Variants in SERINC5 observed in about 807,000 individuals in gnomAD.
SERINC5 encodes the protein chromosome 5 open reading frame 12.
In SERINC5, 41 loss-of-function variants were observed where a neutral mutation model predicts 63.1. The observed-to-expected ratio is 0.65, with a 90% CI of 0.51 to 0.84. The LOEUF (loss-of-function observed/expected upper bound fraction) is 0.84. SERINC5 is among the 40% of genes least tolerant of loss of function. The probability of loss-of-function intolerance (pLI) is 0.00; values close to 1 mark genes in which losing one functional copy is unlikely to be tolerated. For missense variants in SERINC5, 523 were observed against 573.0 expected (o/e 0.91, Z 0.89); for synonymous variants, 222 against 215.2 (o/e 1.03, Z -0.28).
intron 1 of SERINC5, among the ~76,000 whole-genome samples, chr5:80,204,108 G>A (rs1453347384): frequency 1.3e-5 from 2 of 152,170 alleles, no homozygotes; most frequent in Non-Finnish European, 2.9e-5. Context: ...AGTGCCCTGT[G>A]TACCTCTTCA....
chr5:80,212,446 C>T (rs1301371571), intron 1 of SERINC5, among the ~76,000 whole-genome samples: 3 of 152,090 alleles, frequency 2.0e-5, no homozygotes, highest in Admixed American at 6.5e-5. Flanking sequence ...TGAGGGCCTC[C>T]TTCCCTTCCT....
chr5:80,183,149 A>C (rs934218151), intron 2 of SERINC5, among the ~76,000 whole-genome samples: 13 of 146,024 alleles, frequency 8.9e-5, no homozygotes, highest in African/African-American at 3.7e-4. Context: ...CAGGTGAAGA[A>C]GGTAACCCCA....
At chr5:80,149,834 T>C (rs1746055442) in intron 9 of SERINC5, among the ~76,000 whole-genome samples, 1 of 152,192 alleles carries the variant, frequency 6.6e-6, no homozygotes, top group African/African-American at 2.4e-5. Flanking sequence ...GAACCCCTGG[T>C]TCTTTTCGTT....
intron 2 of SERINC5, among the ~76,000 whole-genome samples, chr5:80,187,364 C>T (rs1057493811): frequency 6.6e-6 from 1 of 152,182 alleles, no homozygotes. Context: ...CCTAGAATGT[C>T]TCCCAGTCTG....
intron 2 of SERINC5, chr5:80,198,784 G>A: frequency 1.2e-6 from 1 of 837,896 alleles, no homozygotes; most frequent in Non-Finnish European, 1.4e-6. Flanking sequence ...TCCCTTGTGA[G>A]GCCCTAAAGC....
chr5:80,250,700 GGT>G (rs776738286), intron 1 of SERINC5, among the ~76,000 whole-genome samples: 1 of 152,138 alleles, frequency 6.6e-6, no homozygotes, highest in Non-Finnish European at 1.5e-5. Context: ...TGTGTATGTG[GGT>G]GTGTGTTTTA....
chr5:80,170,481 G>T (rs568219141), intron 5 of SERINC5, among the ~76,000 whole-genome samples: 1 of 152,176 alleles, frequency 6.6e-6, no homozygotes, highest in African/African-American at 2.4e-5. Flanking sequence ...TGGGCAGGTG[G>T]GGGGAGACAG....
intron 2 of SERINC5, among the ~76,000 whole-genome samples, chr5:80,201,108 C>A (rs571486134): frequency 6.6e-5 from 10 of 151,902 alleles, no homozygotes; most frequent in South Asian, 2.1e-4. Flanking sequence ...ACCACCCCCC[C>A]ACAAAAAAAT....
intron 1 of SERINC5, among the ~76,000 whole-genome samples, chr5:80,220,993 A>C (rs865932501): frequency 3.9e-5 from 6 of 152,110 alleles, no homozygotes; most frequent in South Asian, 2.1e-4. Context: ...AGAGTGGAGG[A>C]AGCCCCCCAA....
At chr5:80,137,642 C>CAAAAAAAA (rs57807742), downstream of SERINC5, among the ~76,000 whole-genome samples, 2 of 104,776 alleles carry the variant, frequency 1.9e-5, no homozygotes, top group South Asian at 3.2e-4. Context: ...GACTCTAACT[C>CAAAAAAAA]AAAAAAAAAA....
chr5:80,170,676 C>A (rs543585757), intron 5 of SERINC5, among the ~76,000 whole-genome samples: 2 of 152,308 alleles, frequency 1.3e-5, no homozygotes, highest in Admixed American at 6.5e-5. Context: ...CTGGGCTTCC[C>A]CAAGTTTTCT....
At chr5:80,145,731 G>A (rs150199050) in intron 11 of SERINC5, among the ~76,000 whole-genome samples, 105 of 152,218 alleles carry the variant, frequency 6.9e-4, no homozygotes, top group Middle Eastern at 3.4e-3. Flanking sequence ...CCCATCCACT[G>A]TTAAAACTCA....
chr5:80,232,882 C>CATTA (rs1433637404), intron 1 of SERINC5, among the ~76,000 whole-genome samples: 2 of 152,048 alleles, frequency 1.3e-5, no homozygotes, highest in African/African-American at 4.8e-5. Flanking sequence ...AAAGACTGTA[C>CATTA]ATTATATGGT....
chr5:80,238,562 T>C (rs565938928), intron 1 of SERINC5, among the ~76,000 whole-genome samples: 15 of 152,214 alleles, frequency 9.9e-5, no homozygotes, highest in Middle Eastern at 3.4e-3. Flanking sequence ...TGCAGGTGGA[T>C]TGCCTGAGGT....
intron 10 of SERINC5, 125 bp from the exon 11 acceptor site, chr5:80,146,359 T>C: frequency 9.2e-7 from 1 of 1,082,150 alleles, no homozygotes; most frequent in South Asian, 1.5e-5. Flanking sequence ...ATCTGTACCC[T>C]CTGGCAACTT....
intron 10 of SERINC5, among the ~76,000 whole-genome samples, chr5:80,147,040 TTC>T (rs1418933977): frequency 6.6e-6 from 1 of 152,216 alleles, no homozygotes. Context: ...TTTGGACTGA[TTC>T]TCTCTACCAG....
At chr5:80,253,225 C>T (rs1037351519) in intron 1 of SERINC5, among the ~76,000 whole-genome samples, 1 of 152,288 alleles carries the variant, frequency 6.6e-6, no homozygotes, top group Admixed American at 6.5e-5. Context: ...ACTCCTACAG[C>T]CATAGCCTAA....
intron 1 of SERINC5, among the ~76,000 whole-genome samples, chr5:80,210,219 C>T (rs1379212384): frequency 6.6e-6 from 1 of 152,164 alleles, no homozygotes; most frequent in Non-Finnish European, 1.5e-5. Flanking sequence ...ATCCTCCCTC[C>T]AACCGCAGGA....
Position 80,255,402 on chromosome 5 carries a change from G to C in SERINC5, c.27+494C>G, listed in dbSNP as rs997794414. On this transcript the variant is annotated intron_variant, in intron 1 of 11. Coordinates refer to ENST00000507668, the MANE Select transcript of SERINC5 (RefSeq NM_001174072.3). ...AGTCAGGCTTCGAGACATTCTCAAA[G>C]GTACAGAGCCCACGCTCGACTACGA... Among the ~76,000 whole-genome samples the C allele has an allele frequency of 2.0e-4, 31 of 152,070 alleles. 1 individual carries two copies. The highest frequency in any genetic ancestry group is 1.5e-5 in the Non-Finnish European group (1 of 68,026).
Sources: gnomAD v4.1 joint callset for allele counts (sites outside exome capture counted in the v4.1 genomes callset) on GRCh38, gnomAD v4.1.1 for gene constraint, MANE v1.5 for transcripts, NCBI Gene and HGNC (gene_info 2026-07-23, HGNC 2026-07-21) for gene names.